The following DYRK3 variants were observed in gnomAD, a reference collection of about 807,000 sequenced individuals.
DYRK3 encodes dual specificity tyrosine phosphorylation regulated kinase 3.
DYRK3 carries 30 observed loss-of-function variants against 40.8 expected under a neutral mutation model. That is an observed-to-expected ratio of 0.74 (90% CI 0.55 to 1.00). The LOEUF is 1.00. DYRK3 is among the 50% of genes least tolerant of loss of function. The pLI is 0.00. For missense variants in DYRK3, 699 were observed against 731.5 expected (o/e 0.96, Z 0.51); for synonymous variants, 272 against 260.7 (o/e 1.04, Z -0.42).
In DYRK3 at chr1:206,653,092, TCTGCAGC is replaced by T. The variant is rs1671673411; in HGVS notation, c.*4130_*4136del. On this transcript the variant is annotated 3_prime_UTR_variant, in exon 3 of 3. Coordinates refer to ENST00000367109, the MANE Select transcript of DYRK3 (RefSeq NM_003582.4). ...GCTGGAGTGAAGTGGCGCAGTGTTGTCTGCAGCCTCAACCTCCCAGGCTCAGGTGATT... is the reference window on the plus strand; with the variant it reads ...GCTGGAGTGAAGTGGCGCAGTGTTGTCTCAACCTCCCAGGCTCAGGTGATT... Among the ~76,000 whole-genome samples the T allele has an allele frequency of 6.6e-6, 1 of 152,098 alleles. No individual in the cohort carries two copies. Among genetic ancestry groups the T allele is most frequent in the Non-Finnish European group, 1.5e-5 (1 of 68,012 alleles).
Position 206,635,537 on chromosome 1 carries a change from C to A in DYRK3, c.-167C>A. On this transcript the variant is annotated 5_prime_UTR_variant, in exon 1 of 3. Coordinates refer to ENST00000367109, the MANE Select transcript of DYRK3 (RefSeq NM_003582.4). ...CCGCCCCTGGAGCTGCGTCTCCCCA[C>A]TTCCCAGCCGGGGCCAGTCGGGAGC... 1 of 920,476 alleles carries A rather than the reference C, an allele frequency of 1.1e-6. No homozygotes were observed. Among genetic ancestry groups the A allele is most frequent in the Non-Finnish European group, 1.4e-6 (1 of 704,494 alleles). The allele number at this position is 920,476 out of a possible 1,614,324, so 57.0% of individuals were successfully genotyped here.
In DYRK3 at chr1:206,648,808, C is replaced by T. The variant is rs199976942; in HGVS notation, c.1610C>T (p.Ser537Leu). 8 of 1,614,194 alleles carry T rather than the reference C, an allele frequency of 5.0e-6. 1 individual carries two copies. In the Admixed American group the frequency reaches 1.3e-4, roughly 27 times the overall value. ...CCTCTCACCACCATAGACAAGGTGTCAGGGAAACGGGTAGTTAATCCTGCA... is the reference window on the plus strand; with the variant it reads ...CCTCTCACCACCATAGACAAGGTGTTAGGGAAACGGGTAGTTAATCCTGCA... ...PRPLTTIDKV[S>L]GKRVVNPASA... The change falls in exon 3 of 3, where the codon TCA becomes TTA. Residue 537 changes from serine to leucine, a missense_variant. Transcript: ENST00000367109.
In DYRK3 at chr1:206,647,476, G is replaced by A. The variant is rs782201759; in HGVS notation, c.278G>A (p.Gly93Asp). 2.5e-6 allele frequency: 4 copies of A among 1,614,094 alleles called. 1 individual carries two copies. Among genetic ancestry groups the A allele is most frequent in the Non-Finnish European group, 3.4e-6 (4 of 1,180,016 alleles). Residue 93 changes from glycine to aspartate, a missense_variant, in exon 3 of 3, where the codon GGC (glycine) becomes GAC (aspartate). By Grantham distance (94) the Gly-to-Asp change is moderately conservative. Coordinates refer to ENST00000367109, the MANE Select transcript of DYRK3 (RefSeq NM_003582.4). ...MKVEQLFQEFGNRKSNTIQSD... is the reference protein window; with the variant it reads ...MKVEQLFQEFDNRKSNTIQSD... ...GTAGAACAGCTGTTTCAAGAATTTG[G>A]CAACAGAAAATCCAATACTATTCAG...
chr1:206,642,627 T>C (rs1223324461), intron 2 of DYRK3, among the ~76,000 whole-genome samples: 2 of 152,078 alleles, frequency 1.3e-5, no homozygotes, highest in East Asian at 1.9e-4. Context: ...ATGTCCTTTG[T>C]AGAGACATGG....
rs537717542 is a variant in DYRK3, at chr1:206,654,776, G to A, written c.*5811G>A. 7.9e-5 allele frequency among the ~76,000 whole-genome samples: 12 copies of A among 152,286 alleles called. No individual in the cohort carries two copies. Among genetic ancestry groups the A allele is most frequent in the Middle Eastern group, 3.4e-3 (1 of 294 alleles). The stretch of plus-strand genomic sequence containing the variant: ...GAGAAGCCAGAACTACAAATGCATC[G>A]TCTAGACTTTGAAGAAGCAGGGTAT... On this transcript the variant is annotated 3_prime_UTR_variant, in exon 3 of 3. Transcript: ENST00000367109.
Position 206,651,369 on chromosome 1 carries a change from G to C in DYRK3, c.*2404G>C, listed in dbSNP as rs1423122138. Among the ~76,000 whole-genome samples the C allele has an allele frequency of 2.0e-4, 31 of 152,234 alleles. No individual in the cohort carries two copies. The highest frequency in any genetic ancestry group is 2.0e-3 in the Admixed American group (30 of 15,286). ...GCTAAATCATCATGGCCAGGAAGAT[G>C]AAACACCTTGAGAAATGGGAACATC... On this transcript the variant is annotated 3_prime_UTR_variant, in exon 3 of 3. Coordinates refer to ENST00000367109, the MANE Select transcript of DYRK3 (RefSeq NM_003582.4).
rs1553421507 is a variant in DYRK3, at chr1:206,653,116, C to T, written c.*4151C>T. On this transcript the variant is annotated 3_prime_UTR_variant, in exon 3 of 3. Coordinates refer to ENST00000367109, the MANE Select transcript of DYRK3 (RefSeq NM_003582.4). ...GTCTGCAGCCTCAACCTCCCAGGCT[C>T]AGGTGATTCTCCCATCTCAACCTCC... 6.6e-6 allele frequency among the ~76,000 whole-genome samples: 1 copy of T among 152,156 alleles called. No individual in the cohort carries two copies. Among genetic ancestry groups the T allele is most frequent in the Non-Finnish European group, 1.5e-5 (1 of 68,022 alleles).
At chr1:206,637,829 A>G (rs892597961) in intron 2 of DYRK3, 68 bp downstream of exon 2, 42 of 1,267,928 alleles carry the variant, frequency 3.3e-5, no homozygotes, top group Non-Finnish European at 4.7e-5. Flanking sequence ...CTTAATGCTC[A>G]AGGTACACTT....
intron 2 of DYRK3, among the ~76,000 whole-genome samples, chr1:206,644,706 A>AT (rs758699793): frequency 1.2e-3 from 179 of 152,142 alleles, no homozygotes; most frequent in Non-Finnish European, 2.1e-3. Flanking sequence ...CGCCTGGCTA[A>AT]TTTTTGTATT....
rs1671156572 is a variant in DYRK3 at position 206,637,715 on chromosome 1, A to G, written c.143A>G (p.Asn48Ser). The stretch of plus-strand genomic sequence containing the variant: ...GAAACCAAATGTCCCCCCTGTTCAA[A>G]TGTACTCTGCAATCCTTCTGAACCA... ...IDETKCPPCSNVLCNPSEPPP... is the reference protein window; with the variant it reads ...IDETKCPPCSSVLCNPSEPPP... The change falls in exon 2 of 3, where the codon AAT becomes AGT. Residue 48 changes from asparagine to serine, a missense_variant. Transcript: ENST00000367109. 1.9e-6 allele frequency: 3 copies of G among 1,613,980 alleles called. No individual in the cohort carries two copies. Among genetic ancestry groups the G allele is most frequent in the Non-Finnish European group, 2.5e-6 (3 of 1,179,980 alleles).
intron 1 of DYRK3, chr1:206,636,109 G>T (rs200976546): frequency 8.0e-6 from 11 of 1,380,452 alleles, no homozygotes; most frequent in Non-Finnish European, 1.1e-5. Context: ...TTTTATTAAA[G>T]GGGGGGAGCC....
chr1:206,635,720 G>C lies in DYRK3; in HGVS notation c.17G>C (p.Arg6Pro), dbSNP rs978338936. Residue 6 changes from arginine to proline, a missense_variant, in exon 1 of 3, where the codon CGT becomes CCT. Transcript: ENST00000367109. MGGTA[R>P]GPGRKDAGPP... is the part of the protein sequence containing the mutation. The stretch of plus-strand genomic sequence containing the variant: ...AGCTAGGAGATGGGAGGCACAGCTC[G>C]TGGGCCTGGGCGGAAGGATGCGGGG... 3 of 1,247,284 alleles carry C rather than the reference G, an allele frequency of 2.4e-6. No individual in the cohort carries two copies. Among genetic ancestry groups the C allele is most frequent in the Non-Finnish European group, 2.0e-6 (2 of 989,446 alleles). The allele number at this position is 1,247,284 out of a possible 1,614,324, so 77.3% of individuals were successfully genotyped here.
chr1:206,643,665 G>A (rs547684559), intron 2 of DYRK3, among the ~76,000 whole-genome samples: 4 of 152,180 alleles, frequency 2.6e-5, no homozygotes, highest in East Asian at 1.9e-4. Context: ...CATGTTTTAT[G>A]TGGGGAGAAA....
At chr1:206,640,639 C>T (rs933623583) in intron 2 of DYRK3, among the ~76,000 whole-genome samples, 5 of 150,054 alleles carry the variant, frequency 3.3e-5, no homozygotes, top group Non-Finnish European at 7.4e-5. Flanking sequence ...CAAGCTCCGC[C>T]TCCTGGGTTC....
chr1:206,636,182 T>TG (rs1553418309), intron 1 of DYRK3: 1 of 747,106 alleles, frequency 1.3e-6, no homozygotes, highest in Non-Finnish European at 2.1e-6. Context: ...GCTGAACTCT[T>TG]GGGGTTTGCT....
intron 2 of DYRK3, among the ~76,000 whole-genome samples, chr1:206,644,292 C>T (rs1339083402): frequency 3.3e-5 from 5 of 151,966 alleles, no homozygotes; most frequent in African/African-American, 1.2e-4. Context: ...ACTTTGGCCT[C>T]CAAAAGTGCT....
rs188112330 is a variant in DYRK3, at chr1:206,647,489, C to T, written c.291C>T (p.Ser97=). ...TTCAAGAATTTGGCAACAGAAAATC[C>T]AATACTATTCAGTCAGATGGCATCA... ...QLFQEFGNRK[S]NTIQSDGISD... is the part of the protein sequence containing the mutation. Residue 97 remains serine, a synonymous_variant, in exon 3 of 3, where the codon TCC becomes TCT. Transcript: ENST00000367109. The T allele has an allele frequency of 1.9e-6, 3 of 1,614,054 alleles. No homozygotes were observed. The highest frequency in any genetic ancestry group is 2.7e-5 in the African/African-American group (2 of 74,986).
rs1671492972 is a variant in DYRK3, at chr1:206,647,615, G to A, written c.417G>A (p.Val139=). ...SNSSSKAPKV[V]PLTPEQALKQ... ...GTTCATCCAAGGCACCCAAAGTGGTGCCTCTGACTCCAGAACAAGCCCTGA... is the reference window on the plus strand; with the variant it reads ...GTTCATCCAAGGCACCCAAAGTGGTACCTCTGACTCCAGAACAAGCCCTGA... Residue 139 remains valine, a synonymous_variant, in exon 3 of 3, where the codon GTG becomes GTA. Coordinates refer to ENST00000367109, the MANE Select transcript of DYRK3 (RefSeq NM_003582.4). The A allele has an allele frequency of 8.1e-6, 13 of 1,614,044 alleles. No homozygotes were observed. Among genetic ancestry groups the A allele is most frequent in the African/African-American group, 1.3e-5 (1 of 74,908 alleles).
intron 2 of DYRK3, among the ~76,000 whole-genome samples, chr1:206,645,266 T>C (rs1671416801): frequency 6.6e-6 from 1 of 152,188 alleles, no homozygotes; most frequent in Non-Finnish European, 1.5e-5. Flanking sequence ...CTTTTTAGCT[T>C]ACATTTTTAG....
Sources: allele counts gnomAD v4.1 joint callset (sites outside exome capture counted in the v4.1 genomes callset), GRCh38; gene constraint gnomAD v4.1.1; transcripts MANE v1.5; gene names NCBI Gene and HGNC (gene_info 2026-07-23, HGNC 2026-07-21).